RPL3L: variants seen among roughly 807,000 people sequenced by gnomAD.
RPL3L encodes ribosomal protein uL3-like.
Under a neutral mutation model 44.5 loss-of-function variants are expected in RPL3L, and 44 were observed. The ratio of observed to expected loss-of-function variants is 0.99; its 90% CI spans 0.78 to 1.27. The LOEUF (loss-of-function observed/expected upper bound fraction) is 1.27, where lower values mean the gene tolerates loss of function less well. RPL3L is among the 50% of genes most tolerant of loss of function. The pLI is 0.00. For missense variants in RPL3L, 631 were observed against 569.1 expected (o/e 1.11, Z -1.11); for synonymous variants, 292 against 230.7 (o/e 1.27, Z -2.41).
Position 1,950,844 on chromosome 16 carries a change from C to G in RPL3L, c.501G>C (p.Gln167His). 1 of 1,614,072 alleles carries G rather than the reference C, an allele frequency of 6.2e-7. No homozygotes were observed. The highest frequency in any genetic ancestry group is 1.1e-5 in the South Asian group (1 of 91,084). Residue 167 changes from glutamine to histidine, a missense_variant and splice_region_variant, in exon 4 of 10, where the codon CAG (glutamine) becomes CAC (histidine). Physicochemically the swap from Gln to His is conservative, Grantham distance 24. Transcript: ENST00000268661. Reference protein sequence around the residue: ...CKVIRVIVHTQMKLLPFRQKK... With the variant: ...CKVIRVIVHTHMKLLPFRQKK... The stretch of plus-strand genomic sequence containing the variant: ...CGACAGCGGAGGGCCGGGGGCTGAC[C>G]TGAGTGTGGACAATGACCCGAATGA...
At chr16:1,946,778 AGCCCATCCAG>A (rs1567309066) in intron 6 of RPL3L, 52 bp from the exon 7 acceptor site, 10 of 1,601,760 alleles carry the variant, frequency 6.2e-6, no homozygotes, top group South Asian at 2.2e-5. Context: ...TGAGGCCAGC[AGCCCATCCAG>A]GCCCATCCGC....
chr16:1,945,282 G>T (rs1451312866), intron 9 of RPL3L, among the ~76,000 whole-genome samples: 1 of 151,368 alleles, frequency 6.6e-6, no homozygotes, highest in Non-Finnish European at 1.5e-5. Flanking sequence ...TTGAACCCAG[G>T]AGGTGGAGGT....
chr16:1,952,655 C>T (rs921622237), intron 3 of RPL3L, among the ~76,000 whole-genome samples: 15 of 152,136 alleles, frequency 9.9e-5, no homozygotes, highest in East Asian at 1.9e-4. Context: ...GGATTACAGG[C>T]GTGAGCCAGC....
rs1473167330 is a variant in RPL3L at position 1,953,057 on chromosome 16, G to A, written c.197-15C>T. The A allele has an allele frequency of 7.0e-6, 11 of 1,579,028 alleles. No homozygotes were observed. Among genetic ancestry groups the A allele is most frequent in the Non-Finnish European group, 9.5e-6 (11 of 1,162,742 alleles). On this transcript the variant is annotated splice_polypyrimidine_tract_variant and intron_variant, in intron 2 of 9. Coordinates refer to ENST00000268661, the MANE Select transcript of RPL3L (RefSeq NM_005061.3). ...TTTGGAAATTTCTGGATGAGACACA[G>A]GGATGGGGCATGAAGGGGGACCTCC...
At position 1,952,890 on chromosome 16, in the gene RPL3L, G is replaced by GTGATGA; in HGVS notation, c.348_349insTCATCA (p.Arg116_Arg117insSerSer). On this transcript the variant is annotated inframe_insertion, in exon 3 of 10. Coordinates refer to ENST00000268661, the MANE Select transcript of RPL3L (RefSeq NM_005061.3). Reference sequence around the variant, plus strand: ...GGTGCTCACCAGTCCTTGTAGAATCGGCGCCGGCACTCATCACTGAGGTGT... The same window carrying GTGATGA: ...GGTGCTCACCAGTCCTTGTAGAATCGTGATGAGCGCCGGCACTCATCACTGAGGTGT... 6.2e-7 allele frequency: 1 copy of GTGATGA among 1,613,850 alleles called. No individual in the cohort carries two copies. The highest frequency in any genetic ancestry group is 8.5e-7 in the Non-Finnish European group (1 of 1,179,988).
At chr16:1,945,981 G>C (rs772249602) in intron 7 of RPL3L, 51 bp from the exon 8 acceptor site, 2 of 1,516,896 alleles carry the variant, frequency 1.3e-6, no homozygotes, top group Non-Finnish European at 1.8e-6. Context: ...TTCTGAGTTA[G>C]TGGGTGGCTG....
Position 1,944,634 on chromosome 16 carries a change from C to G in RPL3L, c.*203G>C. The G allele has an allele frequency of 3.4e-6, 2 of 594,482 alleles. No homozygotes were observed. Among genetic ancestry groups the G allele is most frequent in the East Asian group, 2.7e-5 (1 of 36,528 alleles). 36.8% of individuals were successfully genotyped at this position (594,482 alleles called of 1,614,324 possible). ...AAACATAAAACTCCGGTCTCCCGCA[C>G]AGCCAGCTCTGTGTGAATTACTCTT... On this transcript the variant is annotated 3_prime_UTR_variant, in exon 10 of 10. Transcript: ENST00000268661.
chr16:1,944,988 A>C (rs961191692), intron 9 of RPL3L, 95 bp from the exon 10 acceptor site: 2 of 1,493,954 alleles, frequency 1.3e-6, no homozygotes, highest in African/African-American at 3.0e-5. Flanking sequence ...GGCCGGCCCT[A>C]CTGCCCCCCT....
intron 4 of RPL3L, among the ~76,000 whole-genome samples, chr16:1,949,244 GTTTTTTTTTTTTTTCTTTTTTT>G (rs1194275108): frequency 4.1e-4 from 34 of 81,958 alleles, no homozygotes; most frequent in Non-Finnish European, 2.9e-4. Flanking sequence ...CCTGATTTTT[GTTTTTTTTTTTTTTCTTTTTTT>G]TTTTTTTTTT....
At position 1,949,532 on chromosome 16, in the gene RPL3L, C is replaced by T. The variant is rs117453019; in HGVS notation, c.501+1312G>A. Among the ~76,000 whole-genome samples the T allele has an allele frequency of 1.9e-3, 276 of 146,550 alleles. 1 individual carries two copies. Among genetic ancestry groups the T allele is most frequent in the Non-Finnish European group, 2.8e-3 (191 of 67,324 alleles). On this transcript the variant is annotated intron_variant, in intron 4 of 9. Coordinates refer to ENST00000268661, the MANE Select transcript of RPL3L (RefSeq NM_005061.3). ...CCTCCCAAAGTGCTGGGGTTACAGG[C>T]GTGATCCACCATGTCTGGCTTGATT...
chr16:1,947,533 G>T (rs2083133354), intron 4 of RPL3L, among the ~76,000 whole-genome samples, 153 bp from the exon 5 acceptor site: 1 of 152,184 alleles, frequency 6.6e-6, no homozygotes, highest in African/African-American at 2.4e-5. Context: ...TGTTGTGCTA[G>T]GCACTGCGGA....
At position 1,946,625 on chromosome 16, in the gene RPL3L, C is replaced by A; in HGVS notation, c.951G>T (p.Leu317=). 1 of 1,612,104 alleles carries A rather than the reference C, an allele frequency of 6.2e-7. No homozygotes were observed. ...GGCAGTCGCCCCCTCCCAGCCTCAC[C>A]AGCGGTGTGATGGACTTGGCAGTCA... ...YDVTAKSITP[L]GGFPHYGEVN... is the part of the protein sequence containing the mutation. Residue 317 remains leucine, a splice_region_variant and synonymous_variant, in exon 7 of 10, where the codon CTG becomes CTT. Transcript: ENST00000268661.
intron 4 of RPL3L, among the ~76,000 whole-genome samples, chr16:1,948,184 G>A (rs145957460): frequency 6.6e-5 from 10 of 151,602 alleles, no homozygotes; most frequent in Admixed American, 2.0e-4. Context: ...TGATCCGCCC[G>A]CCTCAGCCTC....
intron 3 of RPL3L, 41 bp from the exon 4 acceptor site, chr16:1,951,020 G>A: frequency 1.2e-6 from 2 of 1,604,608 alleles, no homozygotes; most frequent in Non-Finnish European, 8.5e-7. Context: ...CCCCCAACCG[G>A]GGCAGCTCCC....
chr16:1,951,624 T>C (rs1185513538), intron 3 of RPL3L, among the ~76,000 whole-genome samples: 1 of 151,884 alleles, frequency 6.6e-6, no homozygotes, highest in African/African-American at 2.4e-5. Flanking sequence ...TCAAACGGTC[T>C]GCCTGCCTTA....
At chr16:1,953,927 C>G (rs1404960255) in intron 2 of RPL3L, 29 bp downstream of exon 2, 1 of 1,473,420 alleles carries the variant, frequency 6.8e-7, no homozygotes, top group African/African-American at 1.4e-5. Context: ...AGCCCTCCCC[C>G]TCCCCCAAGG....
At chr16:1,951,045 C>T in intron 3 of RPL3L, 66 bp from the exon 4 acceptor site, 1 of 1,567,704 alleles carries the variant, frequency 6.4e-7, no homozygotes, top group South Asian at 1.2e-5. Context: ...CCTATCCTGC[C>T]CCCACCTCAC....
chr16:1,945,749 C>T, intron 8 of RPL3L, 86 bp downstream of exon 8: 7 of 1,603,814 alleles, frequency 4.4e-6, no homozygotes, highest in East Asian at 2.2e-5. Flanking sequence ...GCTCCCACCA[C>T]TCCATCCCGC....
chr16:1,950,760 C>G, intron 4 of RPL3L, 84 bp downstream of exon 4: 7 of 1,602,804 alleles, frequency 4.4e-6, no homozygotes, highest in Non-Finnish European at 6.0e-6. Flanking sequence ...TATTTTTAGG[C>G]TGACATTTGC....
Sources: gnomAD v4.1 joint callset for allele counts (sites outside exome capture counted in the v4.1 genomes callset) on GRCh38, gnomAD v4.1.1 for gene constraint, MANE v1.5 for transcripts, NCBI Gene and HGNC (gene_info 2026-07-23, HGNC 2026-07-21) for gene names.